SIN3A: variants seen among roughly 807,000 people sequenced by gnomAD.
SIN3A encodes paired amphipathic helix protein Sin3a.
SIN3A carries 14 observed loss-of-function variants against 146.1 expected under a neutral mutation model. The ratio of observed to expected loss-of-function variants is 0.10; its 90% CI spans 0.06 to 0.15. The LOEUF (loss-of-function observed/expected upper bound fraction) is 0.15, where lower values mean the gene tolerates loss of function less well. Among genes scored for constraint, SIN3A ranks in the 10% least tolerant of loss-of-function variants. The pLI is 1.00. For synonymous variants in SIN3A, 572 were observed against 572.0 expected (o/e 1.00, Z 0.00); for missense variants, 1,028 against 1,576.0 (o/e 0.65, Z 5.89).
Position 75,394,097 on chromosome 15 carries a change from T to TG in SIN3A, c.2277+582dup, listed in dbSNP as rs1367836301. ...TGCTGGGATTACAGGCATGAGCCACTGTGCCCGGCCTGATTAAGTTCACAT... is the reference window on the plus strand; with the variant it reads ...TGCTGGGATTACAGGCATGAGCCACTGGTGCCCGGCCTGATTAAGTTCACAT... On this transcript the variant is annotated intron_variant, in intron 14 of 20. Transcript: ENST00000394947. 6.6e-5 allele frequency among the ~76,000 whole-genome samples: 10 copies of TG among 152,310 alleles called. No individual in the cohort carries two copies. In the East Asian group the frequency reaches 1.9e-3, roughly 29 times the overall value.
At position 75,369,410 on chromosome 15, in the gene SIN3A, C is replaced by G. The variant is rs1358113115; in HGVS notation, c.*2569G>C. 1 of 151,932 alleles carries G rather than the reference C, an allele frequency of 6.6e-6. No individual in the cohort carries two copies. Among genetic ancestry groups the G allele is most frequent in the Non-Finnish European group, 1.5e-5 (1 of 67,994 alleles). 9.4% of individuals were successfully genotyped at this position (151,932 alleles called of 1,614,324 possible). ...CTGATATTTTAATGGAAATACTGAC[C>G]AAGTTTACAACATTTCAAATGCAGA... On this transcript the variant is annotated 3_prime_UTR_variant, in exon 21 of 21. Transcript: ENST00000394947.
chr15:75,439,925 CG>C (rs2074173866), intron 1 of SIN3A, among the ~76,000 whole-genome samples: 1 of 151,274 alleles, frequency 6.6e-6, no homozygotes, highest in African/African-American at 2.4e-5. Context: ...CTGAGGCGGG[CG>C]GATCACCTGA....
At chr15:75,403,126 T>C (rs1156678050) in intron 9 of SIN3A, among the ~76,000 whole-genome samples, 1 of 152,020 alleles carries the variant, frequency 6.6e-6, no homozygotes, top group Non-Finnish European at 1.5e-5. Context: ...TGTTTATGTA[T>C]GTTCAAAATT....
chr15:75,452,604 C>G (rs558423076), upstream of SIN3A, among the ~76,000 whole-genome samples: 4 of 152,348 alleles, frequency 2.6e-5, no homozygotes, highest in South Asian at 8.3e-4. Context: ...GAAGTAAACT[C>G]CCTAGAGCTG....
In SIN3A at chr15:75,400,924, A is replaced by G. The variant is rs904164549; in HGVS notation, c.1543T>C (p.Phe515Leu). The G allele has an allele frequency of 7.4e-6, 12 of 1,613,074 alleles. No homozygotes were observed. The highest frequency in any genetic ancestry group is 1.0e-5 in the Non-Finnish European group (12 of 1,179,834). ...CCCAGAAAGTTTTTAAACCAATTAA[A>G]CAACTCAGGGAATTTCCTGAAGAAT... The part of the protein sequence containing the change: ...SPFLGKFPEL[F>L]NWFKNFLGYK... The change falls in exon 11 of 21, where the codon TTT becomes CTT. Residue 515 changes from phenylalanine (F) to leucine (L), a missense_variant. Physicochemically the swap from Phe to Leu is conservative, Grantham distance 22. Transcript: ENST00000394947.
intron 17 of SIN3A, among the ~76,000 whole-genome samples, chr15:75,383,072 G>GGACAA (rs1013294354): frequency 6.6e-6 from 1 of 151,352 alleles, no homozygotes; most frequent in African/African-American, 2.4e-5. Context: ...TGGACAACCT[G>GGACAA]GACAACCTGG....
intron 1 of SIN3A, among the ~76,000 whole-genome samples, chr15:75,439,465 C>A (rs1424608349): frequency 6.6e-6 from 1 of 152,056 alleles, no homozygotes; most frequent in Non-Finnish European, 1.5e-5. Context: ...CTCAGCCTCC[C>A]AAGTAACTGG....
At chr15:75,407,822 G>C (rs917886488) in intron 8 of SIN3A, among the ~76,000 whole-genome samples, 1 of 147,846 alleles carries the variant, frequency 6.8e-6, no homozygotes, top group Non-Finnish European at 1.5e-5. Flanking sequence ...GAACCCAGGA[G>C]GTGGAGGCTG....
At chr15:75,375,644 A>G in intron 20 of SIN3A, 21 bp downstream of exon 20, 1 of 1,605,846 alleles carries the variant, frequency 6.2e-7, no homozygotes, top group East Asian at 2.2e-5. Context: ...GTGTACAGAA[A>G]TTTCAGTTAC....
At chr15:75,386,033 C>T (rs1425210723) in intron 16 of SIN3A, among the ~76,000 whole-genome samples, 1 of 152,168 alleles carries the variant, frequency 6.6e-6, no homozygotes, top group Non-Finnish European at 1.5e-5. Flanking sequence ...TTTCTACTTT[C>T]TTTTTGAGAC....
intron 19 of SIN3A, among the ~76,000 whole-genome samples, chr15:75,379,884 A>C (rs1334518482): frequency 6.6e-6 from 1 of 152,246 alleles, no homozygotes; most frequent in Non-Finnish European, 1.5e-5. Context: ...TAGCAGGCCT[A>C]AGATTGCTAT....
intron 11 of SIN3A, 60 bp from the exon 12 acceptor site, chr15:75,400,216 C>G (rs929929582): frequency 2.2e-6 from 2 of 896,196 alleles, no homozygotes; most frequent in East Asian, 4.8e-5. Context: ...GGTGATTAAG[C>G]ATTCTGAATG....
At position 75,397,721 on chromosome 15, in the gene SIN3A, A is replaced by G. The variant is rs570427023; in HGVS notation, c.1855-1225T>C. On this transcript the variant is annotated intron_variant, in intron 12 of 20. Coordinates refer to ENST00000394947, the MANE Select transcript of SIN3A (RefSeq NM_001145358.2). ...CCCACCAAATCTTAAACACATGCACACCCCACTTCTTTCATGTTTGCCCTT... is the reference window on the plus strand; with the variant it reads ...CCCACCAAATCTTAAACACATGCACGCCCCACTTCTTTCATGTTTGCCCTT... Among the ~76,000 whole-genome samples the G allele has an allele frequency of 8.5e-4, 130 of 152,184 alleles. 1 individual carries two copies. Among genetic ancestry groups the G allele is most frequent in the African/African-American group, 2.2e-3 (93 of 41,528 alleles).
chr15:75,372,765 A>G (rs992754824), intron 20 of SIN3A, among the ~76,000 whole-genome samples: 1 of 147,758 alleles, frequency 6.8e-6, no homozygotes, highest in African/African-American at 2.5e-5. Context: ...GGCTGCAGTG[A>G]GCCAAGATCG....
chr15:75,371,871 G>T lies in SIN3A; in HGVS notation c.*108C>A. ...GGTCAGGTGGCCATGTCCCAGAGAG[G>T]CCCAGTGAGGCTTGAAAGGCATCTT... On this transcript the variant is annotated 3_prime_UTR_variant, in exon 21 of 21. Transcript: ENST00000394947. 2 of 986,290 alleles carry T rather than the reference G, an allele frequency of 2.0e-6. No homozygotes were observed. The highest frequency in any genetic ancestry group is 3.1e-6 in the Non-Finnish European group (2 of 648,116). The allele number at this position is 986,290 out of a possible 1,614,324, so 61.1% of individuals were successfully genotyped here.
intron 8 of SIN3A, among the ~76,000 whole-genome samples, chr15:75,409,074 C>A (rs2073575658): frequency 6.6e-6 from 1 of 152,054 alleles, no homozygotes; most frequent in African/African-American, 2.4e-5. Context: ...CGTGGTGGCA[C>A]ACGCCTGTAG....
intron 5 of SIN3A, 31 bp from the exon 6 acceptor site, chr15:75,411,774 A>G: frequency 6.5e-7 from 1 of 1,535,118 alleles, no homozygotes; most frequent in East Asian, 2.3e-5. Context: ...TATTCTCTTC[A>G]GATGCATAGA....
intron 1 of SIN3A, among the ~76,000 whole-genome samples, chr15:75,450,302 G>A (rs948720699): frequency 6.6e-6 from 1 of 152,118 alleles, no homozygotes; most frequent in African/African-American, 2.4e-5. Context: ...GCCTTTTCAA[G>A]GCTAACTTCG....
intron 20 of SIN3A, among the ~76,000 whole-genome samples, chr15:75,374,728 T>TTG (rs1368742137): frequency 2.6e-5 from 4 of 152,222 alleles, no homozygotes; most frequent in African/African-American, 9.6e-5. Context: ...ACTAGCTCTT[T>TTG]TGTCTAGAAA....
Sources: allele counts gnomAD v4.1 joint callset (sites outside exome capture counted in the v4.1 genomes callset), GRCh38; gene constraint gnomAD v4.1.1; transcripts MANE v1.5; gene names NCBI Gene and HGNC (gene_info 2026-07-23, HGNC 2026-07-21).